CSNK2A1: variants seen among roughly 807,000 people sequenced by gnomAD.
CSNK2A1 encodes casein kinase 2 alpha 1, also known as casein kinase II subunit alpha.
CSNK2A1 carries 10 observed loss-of-function variants against 62.9 expected under a neutral mutation model. That is an observed-to-expected ratio of 0.16 (90% confidence interval 0.10 to 0.27). The LOEUF (loss-of-function observed/expected upper bound fraction) is 0.27, where lower values mean the gene tolerates loss of function less well. Ranked by LOEUF, CSNK2A1 falls within the 10% of genes least tolerant of loss-of-function variation. The probability of loss-of-function intolerance (pLI) is 1.00; values close to 1 mark genes in which losing one functional copy is unlikely to be tolerated. For missense variants in CSNK2A1, 160 were observed against 492.0 expected (o/e 0.33, Z 6.38); for synonymous variants, 124 against 167.8 (o/e 0.74, Z 2.02).
chr20:520,518 G>A (rs1047347653), intron 2 of CSNK2A1, among the ~76,000 whole-genome samples: 7 of 151,682 alleles, frequency 4.6e-5, no homozygotes, highest in East Asian at 1.9e-4. Flanking sequence ...TATTTTTTTC[G>A]AGATAGGGTC....
At chr20:521,249 G>A (rs2018938636) in intron 2 of CSNK2A1, among the ~76,000 whole-genome samples, 1 of 152,042 alleles carries the variant, frequency 6.6e-6, no homozygotes, top group South Asian at 2.1e-4. Flanking sequence ...TTAAAAATGG[G>A]CAAAAGACGT....
chr20:491,829 C>G (rs2018241414), intron 9 of CSNK2A1, among the ~76,000 whole-genome samples: 3 of 152,070 alleles, frequency 2.0e-5, no homozygotes, highest in Admixed American at 2.0e-4. Flanking sequence ...GAGGCTGAGG[C>G]AGGAGAAAGG....
At chr20:541,013 A>T (rs577691950) in intron 1 of CSNK2A1, 2 of 152,264 alleles carry the variant, frequency 1.3e-5, no homozygotes, top group African/African-American at 4.8e-5. Flanking sequence ...TGAGGTCCCC[A>T]TTTCTTTCTG....
At chr20:514,932 T>A (rs930539904) in intron 2 of CSNK2A1, among the ~76,000 whole-genome samples, 1 of 152,174 alleles carries the variant, frequency 6.6e-6, no homozygotes, top group Non-Finnish European at 1.5e-5. Context: ...AAAAGTACTA[T>A]CCTAGGCCTT....
chr20:505,933 GGC>G (rs1555765197), intron 3 of CSNK2A1: 2 of 136,238 alleles, frequency 1.5e-5, no homozygotes, highest in Non-Finnish European at 3.0e-5. Context: ...GGAGTGCAGT[GGC>G]GTGATCTCGG....
intron 4 of CSNK2A1, 72 bp from the exon 5 acceptor site, chr20:500,006 A>G: frequency 8.3e-7 from 1 of 1,198,242 alleles, no homozygotes; most frequent in Non-Finnish European, 1.2e-6. Flanking sequence ...CACGTAGTGT[A>G]ATACATAAAT....
chr20:502,990 C>T (rs185326568), intron 4 of CSNK2A1: 5 of 152,382 alleles, frequency 3.3e-5, no homozygotes, highest in Admixed American at 3.3e-4. Flanking sequence ...CTACCCTCTT[C>T]TGAACTGTAG....
intron 2 of CSNK2A1, among the ~76,000 whole-genome samples, chr20:523,238 C>G (rs2018987596): frequency 6.6e-6 from 1 of 152,142 alleles, no homozygotes; most frequent in African/African-American, 2.4e-5. Flanking sequence ...AACAGTTTGG[C>G]AACTTCTTTA....
intron 2 of CSNK2A1, among the ~76,000 whole-genome samples, chr20:524,639 A>G (rs1477517747): frequency 7.2e-6 from 1 of 139,228 alleles, no homozygotes; most frequent in Non-Finnish European, 1.5e-5. Flanking sequence ...CTGAGGCTGG[A>G]GAATCGCTTG....
At chr20:529,147 C>G (rs1160472611) in intron 1 of CSNK2A1, among the ~76,000 whole-genome samples, 1 of 152,024 alleles carries the variant, frequency 6.6e-6, no homozygotes, top group Non-Finnish European at 1.5e-5. Flanking sequence ...ATCTCAGCCT[C>G]CCTTGTAGCT....
At chr20:523,289 C>T (rs759246378) in intron 2 of CSNK2A1, among the ~76,000 whole-genome samples, 2 of 152,126 alleles carry the variant, frequency 1.3e-5, no homozygotes, top group African/African-American at 4.8e-5. Flanking sequence ...ACCCAGCAAT[C>T]CAACTCACAG....
intron 2 of CSNK2A1, among the ~76,000 whole-genome samples, chr20:524,469 A>G (rs914898855): frequency 1.1e-4 from 16 of 151,256 alleles, no homozygotes; most frequent in African/African-American, 3.9e-4. Flanking sequence ...AAAGAGATAC[A>G]TCTAGGCCAG....
intron 9 of CSNK2A1, among the ~76,000 whole-genome samples, chr20:490,219 C>T (rs1316339505): frequency 2.7e-5 from 4 of 149,918 alleles, no homozygotes; most frequent in Admixed American, 6.6e-5. Flanking sequence ...TTAGTAGAGA[C>T]GGGGTTTCAC....
At chr20:485,066 CAAAAAAAAAAAAAAAAAAAAAA>C (rs1157352244) in intron 13 of CSNK2A1, among the ~76,000 whole-genome samples, 28 of 22,012 alleles carry the variant, frequency 1.3e-3, no homozygotes, top group African/African-American at 4.9e-3. Flanking sequence ...ACCTTGTCTC[CAAAAAAAAAAAAAAAAAAAAAA>C]AAAAAAAAAA....
At position 474,803 on chromosome 20, in the gene CSNK2A1, T is replaced by C. The variant is rs2017815684; in HGVS notation, c.*9158A>G. Reference sequence around the variant, plus strand: ...GTTAGACCAGTATTCAGTGTTTCCATTATGACTACGTAAATTCTAATCACA... The same window carrying C: ...GTTAGACCAGTATTCAGTGTTTCCACTATGACTACGTAAATTCTAATCACA... On this transcript the variant is annotated 3_prime_UTR_variant, in exon 14 of 14. Coordinates refer to ENST00000217244, the MANE Select transcript of CSNK2A1 (RefSeq NM_177559.3). 1 of 152,232 alleles carries C rather than the reference T, an allele frequency of 6.6e-6. No homozygotes were observed. The highest frequency in any genetic ancestry group is 2.4e-5 in the African/African-American group (1 of 41,452). The allele number at this position is 152,232 out of a possible 1,614,324, so 9.4% of individuals were successfully genotyped here. A position where few individuals can be genotyped will look rare whatever the true frequency, so the allele number is the denominator to read the frequency against.
intron 8 of CSNK2A1, 23 bp from the exon 9 acceptor site, chr20:492,387 CA>C: frequency 1.2e-6 from 2 of 1,611,188 alleles, no homozygotes; most frequent in Non-Finnish European, 1.7e-6. Context: ...AAACCATGAG[CA>C]ATCTTATCTT....
At chr20:510,833 C>T (rs1264872951) in intron 2 of CSNK2A1, among the ~76,000 whole-genome samples, 1 of 152,138 alleles carries the variant, frequency 6.6e-6, no homozygotes, top group Non-Finnish European at 1.5e-5. Flanking sequence ...CCTCCCACCT[C>T]TGCCTCCCAA....
At chr20:496,075 T>C in intron 7 of CSNK2A1, 2 of 359,512 alleles carry the variant, frequency 5.6e-6, no homozygotes, top group South Asian at 6.5e-5. Context: ...ATTGCACCAC[T>C]TCAAATTTTT....
intron 1 of CSNK2A1, among the ~76,000 whole-genome samples, chr20:541,687 T>G (rs2019453353): frequency 6.6e-6 from 1 of 152,160 alleles, no homozygotes; most frequent in Non-Finnish European, 1.5e-5. Flanking sequence ...TAACCCATGC[T>G]CCTCCTTAAA....
Sources: gnomAD v4.1 joint callset for allele counts (sites outside exome capture counted in the v4.1 genomes callset) on GRCh38, gnomAD v4.1.1 for gene constraint, MANE v1.5 for transcripts, NCBI Gene and HGNC (gene_info 2026-07-23, HGNC 2026-07-21) for gene names.